FOXRED2: variants seen among roughly 807,000 people sequenced by gnomAD.
FOXRED2 encodes FAD dependent oxidoreductase domain containing 2, also known as FAD-dependent oxidoreductase domain-containing protein 2.
In FOXRED2, 32 loss-of-function variants were observed where a neutral mutation model predicts 52.5. The ratio of observed to expected loss-of-function variants is 0.61; its 90% CI spans 0.46 to 0.82. The LOEUF (loss-of-function observed/expected upper bound fraction) is 0.82, where lower values mean the gene tolerates loss of function less well. Among genes scored for constraint, FOXRED2 ranks in the 40% least tolerant of loss-of-function variants. The pLI is 0.00. For missense variants in FOXRED2, 848 were observed against 937.5 expected (o/e 0.90, Z 1.25); for synonymous variants, 405 against 398.1 (o/e 1.02, Z -0.21).
In FOXRED2 at chr22:36,504,552, G is replaced by A; in HGVS notation, c.742C>T (p.Arg248Cys). The A allele has an allele frequency of 1.2e-6, 2 of 1,614,164 alleles. No individual in the cohort carries two copies. The highest frequency in any genetic ancestry group is 1.1e-5 in the South Asian group (1 of 91,082). The change falls in exon 3 of 9, where the codon CGT becomes TGT. Residue 248 changes from arginine to cysteine, a missense_variant. Physicochemically the swap from Arg to Cys is radical, Grantham distance 180 (BLOSUM62 -3). Transcript: ENST00000397224. ...FIHMLSRSRVRLSWATHYVGD... is the reference protein window; with the variant it reads ...FIHMLSRSRVCLSWATHYVGD... ...ACGTAGTGGGTGGCCCAGGACAGACGGACCCGGGAGCGGCTGAGCATATGG... is the reference window on the plus strand; with the variant it reads ...ACGTAGTGGGTGGCCCAGGACAGACAGACCCGGGAGCGGCTGAGCATATGG...
At chr22:36,503,191 G>A (rs1243949790) in intron 4 of FOXRED2, among the ~76,000 whole-genome samples, 1 of 151,596 alleles carries the variant, frequency 6.6e-6, no homozygotes, top group Non-Finnish European at 1.5e-5. Context: ...GTTTCACCAT[G>A]TTGTCCAGGC....
rs150869841 is a variant in FOXRED2 at position 36,501,490 on chromosome 22, C to T, written c.1050-83G>A. On this transcript the variant is annotated intron_variant, in intron 4 of 8. Transcript: ENST00000397224. ...TTTAGTTAGTTTTGAGATGGAGTTT[C>T]GCTCTTGTCGCCCAGGTTAGAGTAC... 1,698 of 1,384,854 alleles carry T rather than the reference C, an allele frequency of 1.2e-3. 26 individuals are homozygous for T. In the African/African-American group the frequency reaches 0.021, roughly 17 times the overall value. 85.8% of individuals were successfully genotyped at this position (1,384,854 alleles called of 1,614,324 possible).
chr22:36,494,869 C>T (rs888429358), intron 7 of FOXRED2, among the ~76,000 whole-genome samples: 17 of 151,976 alleles, frequency 1.1e-4, no homozygotes, highest in Non-Finnish European at 1.9e-4. Context: ...GACCTCCTGA[C>T]CTCGTGATCC....
At position 36,506,274 on chromosome 22, in the gene FOXRED2, T is replaced by C. The variant is rs1169582356; in HGVS notation, c.149A>G (p.Gln50Arg). 1.2e-6 allele frequency: 2 copies of C among 1,604,428 alleles called. No individual in the cohort carries two copies. The change falls in exon 2 of 9, where the codon CAG becomes CGG. Residue 50 changes from glutamine to arginine, a missense_variant. Gln to Arg is a conservative substitution (Grantham distance 43, BLOSUM62 1). Coordinates refer to ENST00000397224, the MANE Select transcript of FOXRED2 (RefSeq NM_001102371.2). ...CACTGCGTAGTCGCGTCCAGCGCGC[T>C]GCAGGAAGTAGGCCATCTGCAGGCC... ...PAGLQMAYFL[Q>R]RAGRDYAVFE...
intron 6 of FOXRED2, among the ~76,000 whole-genome samples, chr22:36,496,680 A>G (rs5756221): frequency 0.75 from 114,423 of 152,106 alleles, 44,062 homozygotes; most frequent in Non-Finnish European, 0.81. Context: ...TGGGATCAGC[A>G]TGCCTCAGGT....
At chr22:36,500,770 G>C (rs373091419) in intron 5 of FOXRED2, among the ~76,000 whole-genome samples, 39 of 152,046 alleles carry the variant, frequency 2.6e-4, no homozygotes, top group African/African-American at 8.7e-4. Context: ...TTTTAGTAGA[G>C]ACAGGGTTTC....
rs529584943 is a variant in FOXRED2, at chr22:36,506,043, C to T, written c.380G>A (p.Arg127His). ...CGTGTCCGCGAAGTCACCCAGGTAG[C>T]GCACCATGTCGCGGGCGTCGGGGAA... ...AYFPDARDMV[R>H]YLGDFADTLG... is the part of the protein sequence containing the mutation. Residue 127 changes from arginine (R) to histidine (H), a missense_variant, in exon 2 of 9, where the codon CGC becomes CAC. Physicochemically the swap from Arg to His is conservative, Grantham distance 29. Coordinates refer to ENST00000397224, the MANE Select transcript of FOXRED2 (RefSeq NM_001102371.2). The T allele has an allele frequency of 1.5e-5, 25 of 1,614,236 alleles. No homozygotes were observed. The South Asian group carries it at 2.1e-4, about 13-fold the overall frequency.
chr22:36,488,415 T>C lies in FOXRED2; in HGVS notation c.*1593A>G, dbSNP rs958968811. On this transcript the variant is annotated 3_prime_UTR_variant, in exon 9 of 9. Transcript: ENST00000397224. The stretch of plus-strand genomic sequence containing the variant: ...CTGGGATGACAGGCATGCTCCACCA[T>C]GCCCAGCTAATTTTTTTTACCGTTA... 1.4e-5 allele frequency: 2 copies of C among 146,552 alleles called. No individual in the cohort carries two copies. Among genetic ancestry groups the C allele is most frequent in the African/African-American group, 5.2e-5 (2 of 38,116 alleles). The allele number at this position is 146,552 out of a possible 1,614,324, so 9.1% of individuals were successfully genotyped here.
chr22:36,497,959 C>A (rs374657268), intron 6 of FOXRED2, 32 bp downstream of exon 6: 46 of 1,598,496 alleles, frequency 2.9e-5, no homozygotes, highest in Non-Finnish European at 3.8e-5. Context: ...AAAGCTGGGC[C>A]GAGGGGAGTA....
At chr22:36,495,927 G>C in intron 7 of FOXRED2, 40 bp downstream of exon 7, 1 of 1,606,918 alleles carries the variant, frequency 6.2e-7, no homozygotes, top group East Asian at 2.2e-5. Flanking sequence ...GGTGAGGTCT[G>C]AGGAGCCCAC....
chr22:36,492,566 G>A (rs779115262), intron 8 of FOXRED2, among the ~76,000 whole-genome samples: 2 of 152,192 alleles, frequency 1.3e-5, no homozygotes, highest in African/African-American at 2.4e-5. Context: ...AGGCTGGAGT[G>A]CAGTGGCATG....
At position 36,501,370 on chromosome 22, in the gene FOXRED2, T is replaced by A; in HGVS notation, c.1087A>T (p.Lys363Ter). The A allele has an allele frequency of 6.2e-7, 1 of 1,614,154 alleles. No individual in the cohort carries two copies. Among genetic ancestry groups the A allele is most frequent in the Non-Finnish European group, 8.5e-7 (1 of 1,180,036 alleles). Residue 363 changes from lysine (K) to a stop codon, truncating the protein, a stop_gained, in exon 5 of 9, where the codon AAG becomes TAG. Transcript: ENST00000397224. LOFTEE classifies it high-confidence loss of function. ...RLNSGNAFGK[K>*]YPLIRASYES... is the part of the protein sequence containing the mutation. ...TAGCTAGCTCGAATCAGCGGGTACT[T>A]CTTGCCGAATGCATTTCCCGAGTTA...
At chr22:36,503,296 C>G (rs959511133) in intron 4 of FOXRED2, among the ~76,000 whole-genome samples, 4 of 150,888 alleles carry the variant, frequency 2.7e-5, no homozygotes, top group African/African-American at 9.8e-5. Context: ...TGCACCTGGC[C>G]TCTGCACACA....
chr22:36,496,277 G>T (rs1933895664), intron 6 of FOXRED2, 69 bp from the exon 7 acceptor site: 1 of 1,587,158 alleles, frequency 6.3e-7, no homozygotes. Context: ...GCCCGGGGGT[G>T]AGCATGTGTG....
intron 6 of FOXRED2, 145 bp from the exon 7 acceptor site, chr22:36,496,353 T>A (rs992282986): frequency 2.9e-6 from 3 of 1,023,156 alleles, no homozygotes; most frequent in Non-Finnish European, 2.8e-6. Flanking sequence ...TTAACATTAC[T>A]TTTTCAGCTC....
chr22:36,497,465 T>C (rs1933930918), intron 6 of FOXRED2, among the ~76,000 whole-genome samples: 1 of 152,196 alleles, frequency 6.6e-6, no homozygotes, highest in African/African-American at 2.4e-5. Flanking sequence ...ATCGGGCTGT[T>C]CCCTCTGACT....
At chr22:36,504,852 ACCTG>A (rs1934153147) in intron 2 of FOXRED2, 86 bp from the exon 3 acceptor site, 2 of 1,450,458 alleles carry the variant, frequency 1.4e-6, no homozygotes, top group Non-Finnish European at 9.3e-7. Flanking sequence ...CCACCCACCC[ACCTG>A]CCTGGCTCCA....
intron 7 of FOXRED2, among the ~76,000 whole-genome samples, chr22:36,495,173 CTGGTCT>C (rs1933864048): frequency 6.6e-6 from 1 of 151,938 alleles, no homozygotes; most frequent in Non-Finnish European, 1.5e-5. Context: ...TTTGGCCAGG[CTGGTCT>C]TGAACTCCTG....
At chr22:36,490,362 A>G (rs779786680) in intron 8 of FOXRED2, 95 bp from the exon 9 acceptor site, 160 of 1,370,402 alleles carry the variant, frequency 1.2e-4, no homozygotes, top group Non-Finnish European at 1.5e-4. Flanking sequence ...TGGGGGCTTC[A>G]CTGCAGGCCT....
Sources: gnomAD v4.1 joint callset for allele counts (sites outside exome capture counted in the v4.1 genomes callset) on GRCh38, gnomAD v4.1.1 for gene constraint, MANE v1.5 for transcripts, NCBI Gene and HGNC (gene_info 2026-07-23, HGNC 2026-07-21) for gene names.